RHOG: variants seen among roughly 807,000 people sequenced by gnomAD.
The protein encoded by RHOG is ras homolog family member G, also known as rho-related GTP-binding protein RhoG.
A neutral mutation model predicts 12.3 loss-of-function variants in RHOG; 1 was observed. The observed-to-expected ratio is 0.08, with a 90% CI of 0.03 to 0.39. The LOEUF (loss-of-function observed/expected upper bound fraction) is 0.39, where lower values mean the gene tolerates loss of function less well. RHOG is among the 10% of genes least tolerant of loss of function. The probability of loss-of-function intolerance (pLI) is 0.99; values close to 1 mark genes in which losing one functional copy is unlikely to be tolerated. For missense variants in RHOG, 114 were observed against 266.2 expected (o/e 0.43, Z 3.98); for synonymous variants, 129 against 116.0 (o/e 1.11, Z -0.72).
In RHOG at chr11:3,827,950, C is replaced by T. The variant is rs773790707; in HGVS notation, c.189G>A (p.Glu63=). 51 of 1,614,146 alleles carry T rather than the reference C, an allele frequency of 3.2e-5. No individual in the cohort carries two copies. Among genetic ancestry groups the T allele is most frequent in the African/African-American group, 1.3e-5 (1 of 74,954 alleles). The part of the protein sequence containing the change: ...LNLWDTAGQE[E]YDRLRTLSYP... ...AGGAGAGTGTACGGAGGCGGTCATA[C>T]TCCTCCTGGCCCGCAGTGTCCCACA... Residue 63 remains glutamate (E), a synonymous_variant, in exon 2 of 2, where the codon GAG becomes GAA. Coordinates refer to ENST00000351018, the MANE Select transcript of RHOG (RefSeq NM_001665.4). This position sits in a 1 kb window ranked among gnomAD's most constrained non-coding sequence, Gnocchi z 7.3.
At chr11:3,836,940 T>TCAGGACCA (rs1396646460) in intron 1 of RHOG, among the ~76,000 whole-genome samples, 1 of 100,014 alleles carries the variant, frequency 1.0e-5, no homozygotes, top group Admixed American at 1.1e-4. Context: ...AAGCTGAGCC[T>TCAGGACCA]CAGGACCAGG....
At chr11:3,828,983 A>T (rs1453937144) in intron 1 of RHOG, among the ~76,000 whole-genome samples, 1 of 151,390 alleles carries the variant, frequency 6.6e-6, no homozygotes, top group African/African-American at 2.4e-5. Flanking sequence ...AAATTTAGGG[A>T]TCTACTAGAT....
Position 3,827,955 on chromosome 11 carries a change from C to T in RHOG, c.184G>A (p.Glu62Lys), listed in dbSNP as rs763489751. Residue 62 changes from glutamate to lysine, a missense_variant, in exon 2 of 2, where the codon GAG becomes AAG. Glu to Lys is a moderately conservative substitution (Grantham distance 56, BLOSUM62 1). Coordinates refer to ENST00000351018, the MANE Select transcript of RHOG (RefSeq NM_001665.4). This position sits in a 1 kb window ranked among gnomAD's most constrained non-coding sequence, Gnocchi z 7.3. ...NLNLWDTAGQ[E>K]EYDRLRTLSY... ...AGTGTACGGAGGCGGTCATACTCCTCCTGGCCCGCAGTGTCCCACAGGTTC... is the reference window on the plus strand; with the variant it reads ...AGTGTACGGAGGCGGTCATACTCCTTCTGGCCCGCAGTGTCCCACAGGTTC... 6.2e-7 allele frequency: 1 copy of T among 1,614,268 alleles called. No individual in the cohort carries two copies. The highest frequency in any genetic ancestry group is 8.5e-7 in the Non-Finnish European group (1 of 1,180,042).
chr11:3,828,879 T>C lies in RHOG; in HGVS notation c.-68-673A>G, dbSNP rs113308542. ...TCGTGATCCGCCCGCCTTGGCCTCC[T>C]AAAGTGCTGGGATTACAGGCGTGAG... On this transcript the variant is annotated intron_variant, in intron 1 of 1. Transcript: ENST00000351018. Among the ~76,000 whole-genome samples, 379 of 151,972 alleles carry C rather than the reference T, an allele frequency of 2.5e-3. 4 individuals are homozygous for C. Among genetic ancestry groups the C allele is most frequent in the Middle Eastern group, 6.8e-3 (2 of 294 alleles).
intron 1 of RHOG, among the ~76,000 whole-genome samples, chr11:3,830,975 CCTGA>C (rs113044206): frequency 0.032 from 4,886 of 152,074 alleles, 266 homozygotes; most frequent in African/African-American, 0.11. Flanking sequence ...ACTTCCTTTC[CCTGA>C]CTGTCTCCCA....
chr11:3,833,062 A>G (rs1325647264), intron 1 of RHOG, among the ~76,000 whole-genome samples: 1 of 152,130 alleles, frequency 6.6e-6, no homozygotes, highest in African/African-American at 2.4e-5. Context: ...TCTCAAAAAA[A>G]AAAAAAGTTA....
intron 1 of RHOG, among the ~76,000 whole-genome samples, chr11:3,833,166 C>T (rs10835175): frequency 0.36 from 54,164 of 152,060 alleles, 9,668 homozygotes; most frequent in East Asian, 0.42. Flanking sequence ...GCAGTGGTGC[C>T]ATCACAGCTC....
intron 1 of RHOG, among the ~76,000 whole-genome samples, chr11:3,829,863 C>T (rs965874404): frequency 6.6e-6 from 1 of 152,140 alleles, no homozygotes; most frequent in African/African-American, 2.4e-5. Context: ...TCTCCTGCCT[C>T]ACCCTCCCGA....
At chr11:3,831,806 C>T (rs1385837294) in intron 1 of RHOG, among the ~76,000 whole-genome samples, 1 of 152,154 alleles carries the variant, frequency 6.6e-6, no homozygotes, top group African/African-American at 2.4e-5. Flanking sequence ...CAGTTCCACA[C>T]AGAGCAGGAG....
At chr11:3,838,266 G>A (rs1025573651) in intron 1 of RHOG, among the ~76,000 whole-genome samples, 7 of 152,072 alleles carry the variant, frequency 4.6e-5, no homozygotes, top group South Asian at 2.1e-4. Flanking sequence ...AATCTCTCCC[G>A]CCCTGGTCAC....
intron 1 of RHOG, among the ~76,000 whole-genome samples, chr11:3,833,272 G>A (rs2090140612): frequency 6.6e-6 from 1 of 151,948 alleles, no homozygotes; most frequent in African/African-American, 2.4e-5. Flanking sequence ...GCTAATTTTT[G>A]TATTTTTAAT....
chr11:3,839,612 C>CA (rs2090179069), intron 1 of RHOG, among the ~76,000 whole-genome samples: 1 of 151,600 alleles, frequency 6.6e-6, no homozygotes, highest in African/African-American at 2.4e-5. Flanking sequence ...AACACACACA[C>CA]ACACACACAC....
At chr11:3,839,856 A>T (rs1416236938) in intron 1 of RHOG, among the ~76,000 whole-genome samples, 2 of 152,146 alleles carry the variant, frequency 1.3e-5, no homozygotes, top group South Asian at 4.1e-4. Context: ...TGTGGGTGCC[A>T]GAGCTGGGAA....
At chr11:3,836,902 CAAAAAAAAAAAAAA>C (rs57344316) in intron 1 of RHOG, among the ~76,000 whole-genome samples, 5 of 29,252 alleles carry the variant, frequency 1.7e-4, no homozygotes, top group East Asian at 1.0e-3. Flanking sequence ...GACTCCATCT[CAAAAAAAAAAAAAA>C]AAAAAAAAAA....
chr11:3,830,291 G>A (rs1333074094), intron 1 of RHOG, among the ~76,000 whole-genome samples: 3 of 152,110 alleles, frequency 2.0e-5, no homozygotes, highest in African/African-American at 7.2e-5. Context: ...CAATATATTT[G>A]TTCCCTGAGC....
chr11:3,839,226 C>T (rs1296458292), intron 1 of RHOG, among the ~76,000 whole-genome samples: 2 of 152,098 alleles, frequency 1.3e-5, no homozygotes, highest in Non-Finnish European at 1.5e-5. Context: ...GGCTGTCTTC[C>T]GGCTTCTAGG....
Position 3,830,015 on chromosome 11 carries a change from G to A in RHOG, c.-68-1809C>T, listed in dbSNP as rs916315202. Among the ~76,000 whole-genome samples, 8 of 152,200 alleles carry A rather than the reference G, an allele frequency of 5.3e-5. No individual in the cohort carries two copies. The South Asian group carries it at 1.0e-3, about 20-fold the overall frequency. ...CCGCCTTGGCCTTCCAAAAAGTGCTGGGATTACAGGCATGAGCCACCATGC... is the reference window on the plus strand; with the variant it reads ...CCGCCTTGGCCTTCCAAAAAGTGCTAGGATTACAGGCATGAGCCACCATGC... On this transcript the variant is annotated intron_variant, in intron 1 of 1. Transcript: ENST00000351018.
rs1280162476 is a variant in RHOG at position 3,827,350 on chromosome 11, C to T, written c.*213G>A. 1.7e-6 allele frequency: 1 copy of T among 585,456 alleles called. No individual in the cohort carries two copies. Among genetic ancestry groups the T allele is most frequent in the Non-Finnish European group, 3.0e-6 (1 of 328,824 alleles). The allele number at this position is 585,456 out of a possible 1,614,324, so 36.3% of individuals were successfully genotyped here. A position where few individuals can be genotyped will look rare whatever the true frequency, so the allele number is the denominator to read the frequency against. The stretch of plus-strand genomic sequence containing the variant: ...GGCTTGGATGAGCTCATGAGAATAC[C>T]CAGTGTTCCCAAGCAGAGGGGGGCA... On this transcript the variant is annotated 3_prime_UTR_variant, in exon 2 of 2. Coordinates refer to ENST00000351018, the MANE Select transcript of RHOG (RefSeq NM_001665.4). This position sits in a 1 kb window ranked among gnomAD's most constrained non-coding sequence, Gnocchi z 7.3.
chr11:3,837,607 A>T (rs536352787), intron 1 of RHOG, among the ~76,000 whole-genome samples: 19 of 152,292 alleles, frequency 1.2e-4, no homozygotes, highest in Non-Finnish European at 2.1e-4. Flanking sequence ...AGCCAAGAGA[A>T]ACCAAGTTGA....
Sources: gnomAD v4.1 joint callset for allele counts (sites outside exome capture counted in the v4.1 genomes callset) on GRCh38, gnomAD v4.1.1 for gene constraint, Gnocchi (gnomAD v3.1) non-coding constraint, MANE v1.5 for transcripts, NCBI Gene and HGNC (gene_info 2026-07-23, HGNC 2026-07-21) for gene names.